Variants in APOLD1 observed in about 807,000 individuals in gnomAD.
APOLD1 encodes the protein apolipoprotein L domain-containing protein 1.
APOLD1 carries 22 observed loss-of-function variants against 15.3 expected under a neutral mutation model. The observed-to-expected ratio is 1.44, with a 90% CI of 1.03 to 2.05. The LOEUF is 2.05. Among genes scored for constraint, APOLD1 ranks in the 30% most tolerant of loss-of-function variants. The pLI, the probability that APOLD1 is intolerant of heterozygous loss-of-function variation, is 0.00. For synonymous variants in APOLD1, 190 were observed against 167.4 expected (o/e 1.13, Z -1.04); for missense variants, 394 against 353.5 (o/e 1.11, Z -0.92).
intron 1 of APOLD1, among the ~76,000 whole-genome samples, chr12:12,730,822 A>G (rs1290695079): frequency 6.6e-6 from 1 of 151,398 alleles, no homozygotes; most frequent in African/African-American, 2.4e-5. Context: ...TACATGGTAT[A>G]TAATAATGAC....
chr12:12,770,565 C>A (rs1278298734), intron 1 of APOLD1, among the ~76,000 whole-genome samples: 2 of 105,044 alleles, frequency 1.9e-5, no homozygotes, highest in Non-Finnish European at 3.8e-5. Context: ...GAAAAAAAGA[C>A]TGAAAAAAAA....
intron 1 of APOLD1, among the ~76,000 whole-genome samples, chr12:12,728,689 AAAGAG>A (rs1946613743): frequency 1.3e-5 from 2 of 150,372 alleles, no homozygotes; most frequent in Admixed American, 1.3e-4. Flanking sequence ...AAAAAAAAAA[AAAGAG>A]AGAGAAAGAA....
At position 12,764,739 on chromosome 12, in the gene APOLD1, C is replaced by G. The variant is rs369614079; in HGVS notation, c.97-22170C>G. The G allele has an allele frequency of 1.8e-5, 9 of 495,296 alleles. No individual in the cohort carries two copies. The Middle Eastern group carries it at 1.3e-3, about 73-fold the overall frequency. 30.7% of individuals were successfully genotyped at this position (495,296 alleles called of 1,614,324 possible). On this transcript the variant is annotated intron_variant, in intron 1 of 1. Transcript: ENST00000326765. ...TGTTCCTTCTTTGCCACTCATACAC[C>G]TTTATGTGCATCTCACATGGTGTTC...
intron 1 of APOLD1, among the ~76,000 whole-genome samples, chr12:12,745,495 G>A (rs1309505620): frequency 2.0e-5 from 3 of 152,144 alleles, no homozygotes; most frequent in Non-Finnish European, 4.4e-5. Flanking sequence ...GTGCCACTGC[G>A]CTCCAGCCTA....
chr12:12,773,773 C>T (rs1177935563), intron 1 of APOLD1, among the ~76,000 whole-genome samples: 3 of 152,108 alleles, frequency 2.0e-5, no homozygotes, highest in Non-Finnish European at 4.4e-5. Context: ...GAATGGAGAG[C>T]CCCAAAGTGA....
intron 1 of APOLD1, among the ~76,000 whole-genome samples, chr12:12,727,664 G>A (rs911134237): frequency 6.6e-6 from 1 of 150,480 alleles, no homozygotes; most frequent in African/African-American, 2.4e-5. Flanking sequence ...GTGCAGTGGT[G>A]TGGTCATGTC....
intron 1 of APOLD1, chr12:12,726,132 C>A (rs1384123340): frequency 4.0e-5 from 30 of 758,718 alleles, no homozygotes; most frequent in Non-Finnish European, 5.5e-5. Flanking sequence ...GGAGGTGGCC[C>A]GGAAAAGAAC....
At chr12:12,752,069 A>G (rs1332971021) in intron 1 of APOLD1, among the ~76,000 whole-genome samples, 1 of 152,170 alleles carries the variant, frequency 6.6e-6, no homozygotes, top group Non-Finnish European at 1.5e-5. Flanking sequence ...TGGATTTCTG[A>G]CCTCAAGAGC....
chr12:12,774,130 A>G (rs993525760), intron 1 of APOLD1, among the ~76,000 whole-genome samples: 34 of 152,228 alleles, frequency 2.2e-4, no homozygotes, highest in African/African-American at 7.7e-4. Flanking sequence ...TCTGCAAAAG[A>G]CACTGTGAAT....
At chr12:12,761,996 G>A (rs1946905068) in intron 1 of APOLD1, among the ~76,000 whole-genome samples, 1 of 151,828 alleles carries the variant, frequency 6.6e-6, no homozygotes, top group Non-Finnish European at 1.5e-5. Flanking sequence ...CCACCACCAT[G>A]CCTGGCTAAT....
upstream of APOLD1, chr12:12,785,625 G>C: frequency 6.2e-7 from 1 of 1,613,988 alleles, no homozygotes; most frequent in Non-Finnish European, 8.5e-7. Flanking sequence ...TGGTTCTCTG[G>C]AACTATAAAG....
chr12:12,743,104 C>T (rs1266580547), intron 1 of APOLD1, among the ~76,000 whole-genome samples: 1 of 152,236 alleles, frequency 6.6e-6, no homozygotes, highest in Non-Finnish European at 1.5e-5. Flanking sequence ...TTCCCACTTC[C>T]TATATCATTT....
intron 1 of APOLD1, among the ~76,000 whole-genome samples, chr12:12,734,983 C>A (rs1412868969): frequency 6.6e-6 from 1 of 152,172 alleles, no homozygotes; most frequent in African/African-American, 2.4e-5. Flanking sequence ...CTGCTTCATG[C>A]TGTAGCAGTT....
upstream of APOLD1, among the ~76,000 whole-genome samples, chr12:12,783,979 CAATT>C (rs1947106124): frequency 6.6e-6 from 1 of 152,084 alleles, no homozygotes; most frequent in Non-Finnish European, 1.5e-5. Context: ...CCCAAACTGT[CAATT>C]AACTCAATTT....
rs1206056864 is a variant in APOLD1 at position 12,790,653 on chromosome 12, C to T, written c.*3001C>T. On this transcript the variant is annotated 3_prime_UTR_variant, in exon 2 of 2. Transcript: ENST00000356591. ...GAAGAGTGTCTACTTTGGAACGATA[C>T]TTTGCACATAGTAGGAACTCAAGAA... 1 of 152,186 alleles carries T rather than the reference C, an allele frequency of 6.6e-6. No individual in the cohort carries two copies. The highest frequency in any genetic ancestry group is 1.5e-5 in the Non-Finnish European group (1 of 68,032). 9.4% of individuals were successfully genotyped at this position (152,186 alleles called of 1,614,324 possible). A position where few individuals can be genotyped will look rare whatever the true frequency, so the allele number is the denominator to read the frequency against.
intron 1 of APOLD1, among the ~76,000 whole-genome samples, chr12:12,741,417 G>A (rs1946728795): frequency 6.6e-6 from 1 of 152,126 alleles, no homozygotes; most frequent in Non-Finnish European, 1.5e-5. Flanking sequence ...GTATTGTTAT[G>A]TTGTCTAGGC....
chr12:12,747,667 T>C (rs760471188), intron 1 of APOLD1, among the ~76,000 whole-genome samples: 13 of 152,342 alleles, frequency 8.5e-5, no homozygotes, highest in Non-Finnish European at 1.5e-4. Context: ...CTCCATTCCT[T>C]TATCTTATTT....
chr12:12,728,665 C>CAAAAA lies in APOLD1; in HGVS notation c.96+2591_96+2595dup, dbSNP rs58877184. Reference sequence around the variant, plus strand: ...CCTGGGCAACAGTGAGACCCTGTCTCAAAAAAAAAAAAAAAAAAAAAAAAA... The same window carrying CAAAAA: ...CCTGGGCAACAGTGAGACCCTGTCTCAAAAAAAAAAAAAAAAAAAAAAAAAAAAAA... On this transcript the variant is annotated intron_variant, in intron 1 of 1. Transcript: ENST00000326765. Among the ~76,000 whole-genome samples, 543 of 62,730 alleles carry CAAAAA rather than the reference C, an allele frequency of 8.7e-3. 32 individuals are homozygous for CAAAAA. Among genetic ancestry groups the CAAAAA allele is most frequent in the African/African-American group, 0.027 (300 of 11,238 alleles). 41.2% of individuals were successfully genotyped at this position (62,730 alleles called of 152,430 possible). A position where few individuals can be genotyped will look rare whatever the true frequency, so the allele number is the denominator to read the frequency against.
chr12:12,760,958 C>G (rs955929514), intron 1 of APOLD1, among the ~76,000 whole-genome samples: 1 of 152,188 alleles, frequency 6.6e-6, no homozygotes, highest in Non-Finnish European at 1.5e-5. Context: ...ACATACAATG[C>G]TCATTGAAGA....
Sources: gnomAD v4.1 joint callset for allele counts (sites outside exome capture counted in the v4.1 genomes callset) on GRCh38, gnomAD v4.1.1 for gene constraint, MANE v1.5 for transcripts, NCBI Gene and HGNC (gene_info 2026-07-23, HGNC 2026-07-21) for gene names.